PLAAT3: variants seen among roughly 807,000 people sequenced by gnomAD.
PLAAT3 encodes Ca-independent phospholipase A1/2.
In PLAAT3, 21 loss-of-function variants were observed where a neutral mutation model predicts 16.7. That is an observed-to-expected ratio of 1.26 (90% confidence interval 0.89 to 1.81). The LOEUF (loss-of-function observed/expected upper bound fraction) is 1.81, where lower values mean the gene tolerates loss of function less well. Among genes scored for constraint, PLAAT3 ranks in the 40% most tolerant of loss-of-function variants. PLAAT3 has a pLI of 0.00. For missense variants in PLAAT3, 219 were observed against 213.7 expected, an observed-to-expected ratio of 1.02 and a Z score of -0.16; for synonymous variants, 76 against 81.7, an observed-to-expected ratio of 0.93 and a Z score of 0.38.
Position 63,579,026 on chromosome 11 carries a change from G to GA in PLAAT3, c.388-3981dup, listed in dbSNP as rs568274346. Among the ~76,000 whole-genome samples, 710 of 151,684 alleles carry GA rather than the reference G, an allele frequency of 4.7e-3. 6 individuals are homozygous for GA. The highest frequency in any genetic ancestry group is 0.017 in the Middle Eastern group (5 of 294). On this transcript the variant is annotated intron_variant, in intron 4 of 4. Coordinates refer to ENST00000415826, the MANE Select transcript of PLAAT3 (RefSeq NM_001128203.2). The stretch of plus-strand genomic sequence containing the variant: ...ACAATGAACTCAAACACATTTACAA[G>GA]AAAAAAAACAAACAACCCCATCAAA...
intron 2 of PLAAT3, among the ~76,000 whole-genome samples, chr11:63,604,594 C>A (rs1285800568): frequency 6.6e-6 from 1 of 151,982 alleles, no homozygotes. Context: ...GAAACCCTGT[C>A]TCTACAAAAA....
intron 2 of PLAAT3, among the ~76,000 whole-genome samples, chr11:63,611,443 C>T (rs575572845): frequency 2.0e-4 from 30 of 152,308 alleles, no homozygotes; most frequent in African/African-American, 7.2e-4. Flanking sequence ...TAATCATATA[C>T]ATGTGAGCCA....
chr11:63,587,901 T>C (rs1938025116), intron 4 of PLAAT3, among the ~76,000 whole-genome samples: 1 of 152,088 alleles, frequency 6.6e-6, no homozygotes, highest in South Asian at 2.1e-4. Context: ...ATGACAGCAA[T>C]GCCTCATCAA....
At chr11:63,604,181 C>A (rs1938501196) in intron 2 of PLAAT3, among the ~76,000 whole-genome samples, 2 of 152,016 alleles carry the variant, frequency 1.3e-5, no homozygotes, top group African/African-American at 4.8e-5. Flanking sequence ...ATACAGAAAA[C>A]GTATTATACA....
intron 3 of PLAAT3, among the ~76,000 whole-genome samples, chr11:63,596,890 G>A (rs968090229): frequency 3.3e-5 from 5 of 151,440 alleles, no homozygotes; most frequent in African/African-American, 1.2e-4. Flanking sequence ...GAGGTCCAGA[G>A]TTCAAGACCA....
At chr11:63,590,596 T>C (rs933903624) in intron 3 of PLAAT3, among the ~76,000 whole-genome samples, 2 of 152,188 alleles carry the variant, frequency 1.3e-5, no homozygotes, top group African/African-American at 2.4e-5. Context: ...TTTACTGTGA[T>C]TTTTTTCTTA....
chr11:63,575,150 G>T (rs2017642662), intron 4 of PLAAT3, 104 bp from the exon 5 acceptor site: 2 of 706,392 alleles, frequency 2.8e-6, no homozygotes, highest in East Asian at 5.3e-5. Flanking sequence ...ATGCCCCTTG[G>T]CCTCCCTGGC....
chr11:63,605,973 C>G (rs1044264319), intron 2 of PLAAT3, among the ~76,000 whole-genome samples: 2 of 152,204 alleles, frequency 1.3e-5, no homozygotes. Context: ...TTCCTGACTC[C>G]AAGCCTGCAG....
In PLAAT3 at chr11:63,598,080, C is replaced by T. The variant is rs1255027409; in HGVS notation, c.99G>A (p.Val33=). 1 of 1,612,562 alleles carries T rather than the reference C, an allele frequency of 6.2e-7. No individual in the cohort carries two copies. The change falls in exon 3 of 5, where the codon GTG becomes GTA. Residue 33 remains valine, a synonymous_variant. Transcript: ENST00000415826. ...TCTTACTTGGAGGGGCCAGATGAAC[C>T]ACATATCCATCGCCAACATAGATGG... ...HWAIYVGDGY[V]VHLAPPSEVA...
chr11:63,600,458 A>T (rs572745181), intron 2 of PLAAT3, among the ~76,000 whole-genome samples: 1 of 152,356 alleles, frequency 6.6e-6, no homozygotes, highest in East Asian at 1.9e-4. Context: ...AGCAGGCATA[A>T]CTACAGCACG....
At chr11:63,585,582 G>C (rs972460779) in intron 4 of PLAAT3, among the ~76,000 whole-genome samples, 1 of 152,116 alleles carries the variant, frequency 6.6e-6, no homozygotes, top group African/African-American at 2.4e-5. Context: ...CTGAGGCTGA[G>C]AAACCCCTAT....
chr11:63,602,287 A>G (rs1397620064), intron 2 of PLAAT3, among the ~76,000 whole-genome samples: 12 of 120 alleles, frequency 0.1, no homozygotes, highest in Admixed American at 0.36. Flanking sequence ...AACTGTCTCA[A>G]AAAAAAAAAA....
At chr11:63,603,742 A>T (rs1465209515) in intron 2 of PLAAT3, among the ~76,000 whole-genome samples, 3 of 127,666 alleles carry the variant, frequency 2.3e-5, no homozygotes, top group African/African-American at 1.0e-4. Context: ...ACACACACAC[A>T]CACACACACA....
intron 4 of PLAAT3, among the ~76,000 whole-genome samples, chr11:63,578,446 A>T (rs991462252): frequency 1.3e-5 from 2 of 152,210 alleles, no homozygotes; most frequent in Admixed American, 6.5e-5. Context: ...AAAGATCAGG[A>T]ATCAGGATGG....
intron 3 of PLAAT3, among the ~76,000 whole-genome samples, chr11:63,591,102 C>A (rs1334862736): frequency 6.6e-6 from 1 of 152,134 alleles, no homozygotes; most frequent in African/African-American, 2.4e-5. Flanking sequence ...TGGGGATGGG[C>A]TGGGCACAGT....
At chr11:63,594,227 C>T (rs1036053045) in intron 3 of PLAAT3, among the ~76,000 whole-genome samples, 2 of 152,100 alleles carry the variant, frequency 1.3e-5, no homozygotes, top group Non-Finnish European at 2.9e-5. Context: ...GTGGAGTTAC[C>T]AAGTAGTCAA....
At chr11:63,580,944 T>C (rs949003807) in intron 4 of PLAAT3, among the ~76,000 whole-genome samples, 7 of 152,214 alleles carry the variant, frequency 4.6e-5, no homozygotes, top group Admixed American at 3.9e-4. Flanking sequence ...TTCCCAAAAT[T>C]AATACTTTCA....
At chr11:63,585,023 G>A (rs1024782455) in intron 4 of PLAAT3, among the ~76,000 whole-genome samples, 5 of 151,230 alleles carry the variant, frequency 3.3e-5, no homozygotes, top group East Asian at 1.9e-4. Context: ...GGCATGCATC[G>A]AAGTTCTTTT....
At chr11:63,596,419 G>A (rs769634610) in intron 3 of PLAAT3, among the ~76,000 whole-genome samples, 30 of 151,876 alleles carry the variant, frequency 2.0e-4, no homozygotes, top group African/African-American at 6.0e-4. Flanking sequence ...CCATGGACTC[G>A]GCAGTGGGGA....
Sources: allele counts gnomAD v4.1 joint callset (sites outside exome capture counted in the v4.1 genomes callset), GRCh38; gene constraint gnomAD v4.1.1; transcripts MANE v1.5; gene names NCBI Gene and HGNC (gene_info 2026-07-23, HGNC 2026-07-21).